KAZN: variants seen among roughly 807,000 people sequenced by gnomAD.
KAZN encodes the protein kazrin.
KAZN carries 40 observed loss-of-function variants against 87.4 expected under a neutral mutation model. That is an observed-to-expected ratio of 0.46 (90% confidence interval 0.36 to 0.60). The LOEUF (loss-of-function observed/expected upper bound fraction) is 0.60. KAZN is among the 20% of genes least tolerant of loss of function. The pLI, the probability that KAZN is intolerant of heterozygous loss-of-function variation, is 0.00. For missense variants in KAZN, 898 were observed against 1,073.9 expected, an observed-to-expected ratio of 0.84 and a Z score of 2.29; for synonymous variants, 466 against 458.3, an observed-to-expected ratio of 1.02 and a Z score of -0.22.
intron 1 of KAZN, among the ~76,000 whole-genome samples, chr1:14,645,016 A>G (rs1022541604): frequency 6.6e-5 from 10 of 152,306 alleles, no homozygotes; most frequent in Admixed American, 6.5e-5. Context: ...AATCTTCTGC[A>G]TATAGTCATA....
At chr1:15,089,875 A>C (rs901766485) in intron 8 of KAZN, among the ~76,000 whole-genome samples, 4 of 151,726 alleles carry the variant, frequency 2.6e-5, no homozygotes, top group African/African-American at 7.3e-5. Flanking sequence ...TGTTCTTTGG[A>C]GAACATCTTA....
intron 1 of KAZN, among the ~76,000 whole-genome samples, chr1:13,992,764 T>A (rs1215054805): frequency 2.0e-5 from 3 of 152,054 alleles, no homozygotes; most frequent in Non-Finnish European, 4.4e-5. Context: ...GGGTGGACAA[T>A]GTGGTCATCC....
intron 1 of KAZN, among the ~76,000 whole-genome samples, chr1:14,171,733 T>G (rs766923656): frequency 3.3e-5 from 5 of 152,174 alleles, no homozygotes; most frequent in African/African-American, 4.8e-5. Context: ...ATGATATGAC[T>G]CATCTGGTAT....
At chr1:15,065,962 C>T (rs1206290915) in intron 8 of KAZN, 24 of 1,384,484 alleles carry the variant, frequency 1.7e-5, no homozygotes, top group Non-Finnish European at 2.0e-5. Flanking sequence ...AGTGAAAACA[C>T]GAGTGTGAAC....
chr1:13,998,177 G>C (rs772678635), intron 1 of KAZN, among the ~76,000 whole-genome samples: 1 of 152,112 alleles, frequency 6.6e-6, no homozygotes, highest in Non-Finnish European at 1.5e-5. Context: ...AGATGCTGAG[G>C]GATTTCGTTA....
chr1:15,103,957 C>T, intron 12 of KAZN, 66 bp from the exon 13 acceptor site: 1 of 1,521,592 alleles, frequency 6.6e-7, no homozygotes, highest in Non-Finnish European at 8.9e-7. Flanking sequence ...CCACGTGGAA[C>T]TGGGGCCCCC....
Position 13,923,836 on chromosome 1 carries a change from G to A in KAZN, c.91+30080G>A, listed in dbSNP as rs567254007. Among the ~76,000 whole-genome samples, 14 of 152,268 alleles carry A rather than the reference G, an allele frequency of 9.2e-5. No homozygotes were observed. In the East Asian group the frequency reaches 2.3e-3, roughly 25 times the overall value. Reference sequence around the variant, plus strand: ...TGCAGTTCAAAGCTGTGTTGTTTGAGGGTCCACTATAGTTAAATCCTAGGA... The same window carrying A: ...TGCAGTTCAAAGCTGTGTTGTTTGAAGGTCCACTATAGTTAAATCCTAGGA... On this transcript the variant is annotated intron_variant, in intron 1 of 16. Coordinates refer to the KAZN transcript ENST00000636203.
chr1:14,930,060 C>A, intron 1 of KAZN: 1 of 985,530 alleles, frequency 1.0e-6, no homozygotes, highest in East Asian at 1.1e-4. Context: ...TGAGTGCTGG[C>A]CGCTGTCCCA....
chr1:13,893,663 GC>G, exon 1 of KAZN: 1 of 1,550,416 alleles, frequency 6.4e-7, no homozygotes, highest in Non-Finnish European at 8.7e-7. Flanking sequence ...CCCCAAAAGA[GC>G]CATGGAATCC....
At chr1:14,453,042 G>A (rs558259658) in intron 2 of KAZN, among the ~76,000 whole-genome samples, 1 of 152,192 alleles carries the variant, frequency 6.6e-6, no homozygotes, top group East Asian at 1.9e-4. Flanking sequence ...TGCAAGCTCT[G>A]CCTCCCGGGT....
intron 1 of KAZN, among the ~76,000 whole-genome samples, chr1:14,686,298 C>T (rs576819131): frequency 6.6e-6 from 1 of 152,250 alleles, no homozygotes; most frequent in South Asian, 2.1e-4. Context: ...CTCTTGACCT[C>T]ATGATCCACC....
intron 2 of KAZN, among the ~76,000 whole-genome samples, chr1:14,295,170 A>G (rs1654015430): frequency 6.6e-6 from 1 of 152,152 alleles, no homozygotes; most frequent in African/African-American, 2.4e-5. Flanking sequence ...TCTCAAGCCA[A>G]TTCCCCCAAC....
intron 1 of KAZN, among the ~76,000 whole-genome samples, chr1:14,840,715 G>A (rs1466649803): frequency 6.6e-6 from 1 of 152,212 alleles, no homozygotes; most frequent in Non-Finnish European, 1.5e-5. Flanking sequence ...TCTTGTCCAC[G>A]ATGCACCTCA....
Position 15,027,070 on chromosome 1 carries a change from C to CTTTTTTTTTT in KAZN, c.419-7659_419-7650dup, listed in dbSNP as rs71000358. Among the ~76,000 whole-genome samples the CTTTTTTTTTT allele has an allele frequency of 2.7e-3, 149 of 56,124 alleles. 25 individuals carry two copies. The highest frequency in any genetic ancestry group is 4.5e-3 in the South Asian group (4 of 896). 36.8% of individuals were successfully genotyped at this position (56,124 alleles called of 152,430 possible). On this transcript the variant is annotated intron_variant, in intron 2 of 14. Transcript: ENST00000376030. ...TAGGCAGATTCCCAAGCCAGTGCTT[C>CTTTTTTTTTT]TTTTTTTTTTTTTTTTTTTTTTTTT...
At chr1:15,050,064 G>GTAGA (rs1557756656) in intron 4 of KAZN, among the ~76,000 whole-genome samples, 1 of 79,530 alleles carries the variant, frequency 1.3e-5, no homozygotes, top group African/African-American at 8.2e-5. Flanking sequence ...GGTAGGGTAG[G>GTAGA]GTAGAGTAGA....
Position 14,042,928 on chromosome 1 carries a change from T to C in KAZN, c.92-137507T>C, listed in dbSNP as rs544291681. Reference sequence around the variant, plus strand: ...CTTAAACATTTTTTTCTTATTGTGGTAAAATATACAAAACATAAAATTTAC... The same window carrying C: ...CTTAAACATTTTTTTCTTATTGTGGCAAAATATACAAAACATAAAATTTAC... On this transcript the variant is annotated intron_variant, in intron 1 of 16. Coordinates refer to the KAZN transcript ENST00000636203. Among the ~76,000 whole-genome samples the C allele has an allele frequency of 2.0e-5, 3 of 152,342 alleles. No homozygotes were observed. In the East Asian group the frequency reaches 5.8e-4, roughly 29 times the overall value.
intron 2 of KAZN, among the ~76,000 whole-genome samples, chr1:14,322,723 C>G (rs1440608945): frequency 6.6e-6 from 1 of 152,172 alleles, no homozygotes; most frequent in East Asian, 1.9e-4. Flanking sequence ...GGAGTTGATG[C>G]CTTTTTAACT....
At chr1:14,432,557 T>C (rs1666134965) in intron 2 of KAZN, among the ~76,000 whole-genome samples, 1 of 151,602 alleles carries the variant, frequency 6.6e-6, no homozygotes, top group Non-Finnish European at 1.5e-5. Flanking sequence ...TTTTTATAAT[T>C]TTTTTTTTAA....
intron 2 of KAZN, among the ~76,000 whole-genome samples, chr1:15,010,710 G>A (rs1669495462): frequency 6.6e-6 from 1 of 152,036 alleles, no homozygotes; most frequent in Non-Finnish European, 1.5e-5. Flanking sequence ...TTGTGATATT[G>A]GCAGCCCAGG....
Sources: allele counts gnomAD v4.1 joint callset (sites outside exome capture counted in the v4.1 genomes callset), GRCh38; gene constraint gnomAD v4.1.1; transcripts MANE v1.5; gene names NCBI Gene and HGNC (gene_info 2026-07-23, HGNC 2026-07-21).